CEP112: variants seen among roughly 807,000 people sequenced by gnomAD.
CEP112 encodes centrosomal protein of 112 kDa.
In CEP112, 127 loss-of-function variants were observed where a neutral mutation model predicts 153.0. That is an observed-to-expected ratio of 0.83 (90% CI 0.72 to 0.96). The LOEUF is 0.96. CEP112 is among the 40% of genes least tolerant of loss of function. The pLI, the probability that CEP112 is intolerant of heterozygous loss-of-function variation, is 0.00. For missense variants in CEP112, 1,089 were observed against 1,101.2 expected (o/e 0.99, Z 0.16); for synonymous variants, 358 against 374.4 (o/e 0.96, Z 0.51).
rs529765164 is a variant in CEP112, at chr17:66,081,054, C to G, written c.769-11053G>C. Among the ~76,000 whole-genome samples, 4 of 152,158 alleles carry G rather than the reference C, an allele frequency of 2.6e-5. No homozygotes were observed. The South Asian group carries it at 8.3e-4, about 32-fold the overall frequency. ...GGAGGGATAGCATTAGGAGAAATAC[C>G]TCATGTAGATGACAGGTTGATGGGT... is the stretch of plus-strand genomic sequence containing the variant. On this transcript the variant is annotated intron_variant, in intron 8 of 26. Transcript: ENST00000535342.
chr17:65,905,676 T>A (rs2060046383), intron 19 of CEP112, among the ~76,000 whole-genome samples: 1 of 152,154 alleles, frequency 6.6e-6, no homozygotes, highest in South Asian at 2.1e-4. Flanking sequence ...ATGCCTGTAA[T>A]CCCAGCACTT....
At chr17:65,953,342 T>C (rs2061898760) in intron 18 of CEP112, among the ~76,000 whole-genome samples, 2 of 152,216 alleles carry the variant, frequency 1.3e-5, no homozygotes, top group South Asian at 4.1e-4. Context: ...GAGGCAGGAC[T>C]AGCTTGCAGC....
At chr17:65,909,973 G>T (rs549633596) in intron 19 of CEP112, among the ~76,000 whole-genome samples, 7 of 152,238 alleles carry the variant, frequency 4.6e-5, no homozygotes, top group African/African-American at 1.4e-4. Flanking sequence ...CAATTTCAAT[G>T]GAGTAAAAAT....
intron 24 of CEP112, among the ~76,000 whole-genome samples, chr17:65,665,202 C>T (rs142559751): frequency 2.0e-5 from 3 of 152,110 alleles, no homozygotes; most frequent in African/African-American, 7.2e-5. Context: ...TTTTTTTCAC[C>T]CCCACTTTGC....
chr17:66,158,885 A>G (rs1037848381), intron 4 of CEP112, among the ~76,000 whole-genome samples: 2 of 152,144 alleles, frequency 1.3e-5, no homozygotes, highest in South Asian at 4.1e-4. Flanking sequence ...GACATAAAAA[A>G]CCCTTCAAAA....
chr17:65,868,429 G>A (rs1045483059), intron 20 of CEP112, among the ~76,000 whole-genome samples: 2 of 151,446 alleles, frequency 1.3e-5, no homozygotes, highest in Non-Finnish European at 2.9e-5. Flanking sequence ...GAGCCCAGGA[G>A]ATAAAGGTTG....
intron 24 of CEP112, among the ~76,000 whole-genome samples, chr17:65,667,106 G>A (rs2046733006): frequency 2.0e-5 from 3 of 152,190 alleles, no homozygotes; most frequent in Non-Finnish European, 4.4e-5. Context: ...CTGGGCTGTG[G>A]TGCTGGTGGG....
intron 16 of CEP112, among the ~76,000 whole-genome samples, chr17:66,019,307 TAAC>T (rs112194513): frequency 2.6e-5 from 3 of 117,210 alleles, no homozygotes; most frequent in Non-Finnish European, 3.6e-5. Context: ...CCTGTAACAC[TAAC>T]AACAACAACA....
At chr17:65,669,662 G>A (rs893927099) in intron 24 of CEP112, among the ~76,000 whole-genome samples, 1 of 152,160 alleles carries the variant, frequency 6.6e-6, no homozygotes, top group African/African-American at 2.4e-5. Context: ...CCAGCACTTT[G>A]GGGGGCCAAG....
intron 20 of CEP112, among the ~76,000 whole-genome samples, chr17:65,866,908 T>C (rs1242060251): frequency 1.3e-5 from 2 of 152,176 alleles, no homozygotes; most frequent in Non-Finnish European, 2.9e-5. Context: ...TACCTCATTC[T>C]TCCTGGACAC....
chr17:65,956,540 G>A (rs112121861), intron 18 of CEP112, among the ~76,000 whole-genome samples: 19 of 151,916 alleles, frequency 1.3e-4, no homozygotes, highest in Admixed American at 3.9e-4. Context: ...ACCAAACATC[G>A]TATGTTCTTA....
intron 17 of CEP112, among the ~76,000 whole-genome samples, chr17:65,969,379 A>G (rs1271461647): frequency 6.6e-6 from 1 of 152,224 alleles, no homozygotes; most frequent in African/African-American, 2.4e-5. Flanking sequence ...TATTACATGT[A>G]CATTGCATAA....
At chr17:65,660,690 G>A (rs112027089) in intron 24 of CEP112, among the ~76,000 whole-genome samples, 1,790 of 149,310 alleles carry the variant, frequency 0.012, 34 homozygotes, top group African/African-American at 0.042. Flanking sequence ...GACTACAGGC[G>A]TGTACCACCA....
chr17:65,978,197 A>G (rs1452964006), intron 17 of CEP112, among the ~76,000 whole-genome samples: 5 of 152,100 alleles, frequency 3.3e-5, no homozygotes, highest in Non-Finnish European at 1.5e-5. Context: ...TTGAGGCTGC[A>G]GTGGGCTATG....
chr17:66,009,313 G>A (rs1349874797), intron 16 of CEP112, among the ~76,000 whole-genome samples: 1 of 151,832 alleles, frequency 6.6e-6, no homozygotes, highest in African/African-American at 2.4e-5. Flanking sequence ...TAGTGATGTC[G>A]AGAATGTTTC....
chr17:66,076,887 A>G (rs2067520780), intron 8 of CEP112, among the ~76,000 whole-genome samples: 1 of 152,194 alleles, frequency 6.6e-6, no homozygotes, highest in Non-Finnish European at 1.5e-5. Flanking sequence ...GACTCTGTGC[A>G]GACAACCCCC....
At chr17:65,636,224 C>A (rs758625184) in intron 26 of CEP112, among the ~76,000 whole-genome samples, 1 of 152,214 alleles carries the variant, frequency 6.6e-6, no homozygotes, top group Admixed American at 6.5e-5. Flanking sequence ...CAGTCTTTCA[C>A]TGCACAAACA....
At chr17:66,053,682 A>G (rs1181822085) in intron 12 of CEP112, 54 bp downstream of exon 12, 6 of 1,557,704 alleles carry the variant, frequency 3.9e-6, no homozygotes, top group East Asian at 4.5e-5. Context: ...ACATGAGGAC[A>G]TGGAAATTGA....
At chr17:65,749,720 G>A (rs1179306514) in intron 22 of CEP112, among the ~76,000 whole-genome samples, 1 of 107,856 alleles carries the variant, frequency 9.3e-6, no homozygotes, top group Non-Finnish European at 2.1e-5. Context: ...CAGAGTTATT[G>A]TGAAAGACTG....
Sources: gnomAD v4.1 joint callset for allele counts (sites outside exome capture counted in the v4.1 genomes callset) on GRCh38, gnomAD v4.1.1 for gene constraint, MANE v1.5 for transcripts, NCBI Gene and HGNC (gene_info 2026-07-23, HGNC 2026-07-21) for gene names.